TMPRSS7: variants seen among roughly 807,000 people sequenced by gnomAD.
The protein encoded by TMPRSS7 is transmembrane serine protease 7.
TMPRSS7 carries 81 observed loss-of-function variants against 95.6 expected under a neutral mutation model. That is an observed-to-expected ratio of 0.85 (90% CI 0.71 to 1.02). The LOEUF (loss-of-function observed/expected upper bound fraction) is 1.02, where lower values mean the gene tolerates loss of function less well. Ranked by LOEUF, TMPRSS7 falls within the 50% of genes least tolerant of loss-of-function variation. TMPRSS7 has a pLI of 0.00. For synonymous variants in TMPRSS7, 364 were observed against 337.8 expected (o/e 1.08, Z -0.85); for missense variants, 945 against 955.2 (o/e 0.99, Z 0.14).
At position 112,066,876 on chromosome 3, in the gene TMPRSS7, A is replaced by G. The variant is rs577537522; in HGVS notation, c.1666+374A>G. Among the ~76,000 whole-genome samples the G allele has an allele frequency of 2.6e-5, 4 of 152,236 alleles. No individual in the cohort carries two copies. In the East Asian group the frequency reaches 5.8e-4, roughly 22 times the overall value. ...TTTAATTCTAGGGTACATGTGCACA[A>G]CGTGCAGGTTTGTTACATAGGTATA... On this transcript the variant is annotated intron_variant, in intron 13 of 17. Coordinates refer to ENST00000452346, the Ensembl canonical transcript of TMPRSS7.
At chr3:112,081,269 GAA>G (rs764048802), downstream of TMPRSS7, 772 of 118,780 alleles carry the variant, frequency 6.5e-3, no homozygotes, top group East Asian at 0.01. Flanking sequence ...TGTCTCTACT[GAA>G]AAAAAAAAAA....
chr3:112,071,442 A>T (rs2073644509), intron 13 of TMPRSS7, among the ~76,000 whole-genome samples: 1 of 152,088 alleles, frequency 6.6e-6, no homozygotes, highest in Non-Finnish European at 1.5e-5. Context: ...GCTCTTTTCA[A>T]GGAGTATCTT....
Position 112,047,721 on chromosome 3 carries a change from A to G in TMPRSS7, c.731-18A>G, listed in dbSNP as rs1189949117. 5 of 1,541,352 alleles carry G rather than the reference A, an allele frequency of 3.2e-6. No individual in the cohort carries two copies. Among genetic ancestry groups the G allele is most frequent in the Non-Finnish European group, 4.4e-6 (5 of 1,128,408 alleles). ...CTAAAAAAAAAGAAAATAAAGGAAA[A>G]TGGTGCTGTCTCCACAGACAAAGGC... On this transcript the variant is annotated intron_variant, in intron 6 of 17. Coordinates refer to ENST00000452346, the Ensembl canonical transcript of TMPRSS7.
intron 10 of TMPRSS7, among the ~76,000 whole-genome samples, chr3:112,060,632 G>A (rs901135137): frequency 7.9e-5 from 12 of 152,196 alleles, no homozygotes; most frequent in African/African-American, 1.2e-4. Context: ...CTTGTTCCCT[G>A]AACATTGCTG....
chr3:112,051,692 T>TATCTATC (rs1490134446), intron 9 of TMPRSS7, among the ~76,000 whole-genome samples: 2 of 151,906 alleles, frequency 1.3e-5, no homozygotes, highest in East Asian at 3.9e-4. Context: ...TCTATCTATC[T>TATCTATC]ATCTCTATTA....
chr3:112,057,010 T>C lies in TMPRSS7; in HGVS notation c.1204-15T>C, dbSNP rs769432740. 12 of 1,544,654 alleles carry C rather than the reference T, an allele frequency of 7.8e-6. No homozygotes were observed. In the South Asian group the frequency reaches 1.4e-4, roughly 18 times the overall value. On this transcript the variant is annotated splice_polypyrimidine_tract_variant and intron_variant, in intron 9 of 17. Coordinates refer to ENST00000452346, the Ensembl canonical transcript of TMPRSS7. ...ATTGAAGCATTTTTTTCTGACTTAA[T>C]GTTTATTTTCACAGACTTCTCTATC...
At chr3:112,041,863 T>A in intron 2 of TMPRSS7, 57 bp from the exon 3 acceptor site, 2 of 1,175,622 alleles carry the variant, frequency 1.7e-6, no homozygotes, top group Non-Finnish European at 2.5e-6. Context: ...CTCAGACAAT[T>A]CCTTACTGCC....
Position 112,037,387 on chromosome 3 carries a change from G to A in TMPRSS7, c.49-685G>A, listed in dbSNP as rs1576092879. 4.6e-5 allele frequency among the ~76,000 whole-genome samples: 7 copies of A among 152,316 alleles called. 2 individuals are homozygous for A. The highest frequency in any genetic ancestry group is 4.6e-4 in the Admixed American group (7 of 15,298). On this transcript the variant is annotated intron_variant, in intron 1 of 17. Coordinates refer to ENST00000452346, the Ensembl canonical transcript of TMPRSS7. ...AGTCTCCTGCAGCACCCCCAGGCTT[G>A]CTAGGATTAGGAAATTCCAGGTTGG...
Position 112,070,557 on chromosome 3 carries a change from T to G in TMPRSS7, c.1667-3739T>G, listed in dbSNP as rs570100782. Reference sequence around the variant, plus strand: ...TTTAGGATAGTTAGCTCTTCTTGTTTAATTGATCCCTTTACCATTATGTAA... The same window carrying G: ...TTTAGGATAGTTAGCTCTTCTTGTTGAATTGATCCCTTTACCATTATGTAA... On this transcript the variant is annotated intron_variant, in intron 13 of 17. Transcript: ENST00000452346. 9.2e-5 allele frequency among the ~76,000 whole-genome samples: 14 copies of G among 152,294 alleles called. No individual in the cohort carries two copies. In the South Asian group the frequency reaches 2.5e-3, roughly 27 times the overall value.
At chr3:112,038,277 T>A in exon 2 of TMPRSS7, 1 of 702,986 alleles carries the variant, frequency 1.4e-6, no homozygotes, top group East Asian at 2.7e-5. Context: ...GTATTTTTAT[T>A]CATCCTAGCA....
rs753337353 is a variant in TMPRSS7 at position 112,080,933 on chromosome 3, T to C, written c.2381T>C (p.Leu794Ser). 1.9e-6 allele frequency: 3 copies of C among 1,613,796 alleles called. No individual in the cohort carries two copies. In the South Asian group the frequency reaches 3.3e-5, roughly 18 times the overall value. The change falls in exon 18 of 18, where the codon TTA becomes TCA. Residue 794 changes from leucine (L) to serine (S), a missense_variant. Coordinates refer to ENST00000452346, the Ensembl canonical transcript of TMPRSS7. Reference sequence around the variant, plus strand: ...GTGTAGGGAGATTCGGGTGGACCTTTATCTTGTCGAAGAAAAAGTGATGGA... The same window carrying C: ...GTGTAGGGAGATTCGGGTGGACCTTCATCTTGTCGAAGAAAAAGTGATGGA...
At chr3:112,068,705 G>T (rs2073606078) in intron 13 of TMPRSS7, among the ~76,000 whole-genome samples, 1 of 152,144 alleles carries the variant, frequency 6.6e-6, no homozygotes, top group African/African-American at 2.4e-5. Context: ...TTGCTTATCA[G>T]CTTAAGGAGA....
intron 17 of TMPRSS7, among the ~76,000 whole-genome samples, chr3:112,080,527 C>CACT (rs34943450): frequency 0.2 from 28,726 of 145,946 alleles, 2,913 homozygotes; most frequent in Non-Finnish European, 0.23. Flanking sequence ...TTTTAGCCCT[C>CACT]ACTACTACTA....
intron 4 of TMPRSS7, 77 bp downstream of exon 4, chr3:112,044,399 T>G: frequency 1.6e-6 from 2 of 1,215,428 alleles, no homozygotes; most frequent in East Asian, 2.5e-5. Context: ...AAGGCTGAGA[T>G]TCCACCATTC....
intron 13 of TMPRSS7, among the ~76,000 whole-genome samples, chr3:112,067,300 G>A (rs879652871): frequency 1.3e-5 from 2 of 152,218 alleles, no homozygotes; most frequent in Admixed American, 1.3e-4. Context: ...ACGTGTGTAT[G>A]TGTCTTTATA....
chr3:112,053,387 T>C (rs1284854787), intron 9 of TMPRSS7, among the ~76,000 whole-genome samples: 1 of 152,194 alleles, frequency 6.6e-6, no homozygotes, highest in East Asian at 1.9e-4. Context: ...AAGGATTAAC[T>C]CCTGCTACAG....
intron 3 of TMPRSS7, chr3:112,042,922 G>A (rs970794486): frequency 4.7e-6 from 2 of 427,916 alleles, no homozygotes; most frequent in African/African-American, 2.0e-5. Flanking sequence ...GTATTTCCAC[G>A]GTACTGGAGA....
intron 8 of TMPRSS7, 114 bp from the exon 9 acceptor site, chr3:112,050,554 ATGT>A: frequency 2.6e-6 from 1 of 379,068 alleles, no homozygotes; most frequent in Non-Finnish European, 4.8e-6. Flanking sequence ...AGTTTAAGAA[ATGT>A]ATAAAGCTTG....
At chr3:112,074,216 TGG>T in intron 13 of TMPRSS7, 78 bp from the exon 14 acceptor site, 3 of 990,852 alleles carry the variant, frequency 3.0e-6, no homozygotes, top group Non-Finnish European at 3.2e-6. Flanking sequence ...TTATGGGGTT[TGG>T]AGTTATTCAT....
Sources: gnomAD v4.1 joint callset for allele counts (sites outside exome capture counted in the v4.1 genomes callset) on GRCh38, gnomAD v4.1.1 for gene constraint, MANE v1.5 for transcripts, NCBI Gene and HGNC (gene_info 2026-07-23, HGNC 2026-07-21) for gene names.